Variants in CFAP45 observed in about 807,000 individuals in gnomAD.
CFAP45 encodes the protein cilia and flagella associated protein 45.
A neutral mutation model predicts 75.6 loss-of-function variants in CFAP45; 43 were observed. That is an observed-to-expected ratio of 0.57 (90% CI 0.45 to 0.73). The LOEUF is 0.73. CFAP45 is among the 30% of genes least tolerant of loss of function. The probability of loss-of-function intolerance (pLI) is 0.00; values close to 1 mark genes in which losing one functional copy is unlikely to be tolerated. For missense variants in CFAP45, 689 were observed against 701.5 expected (o/e 0.98, Z 0.20); for synonymous variants, 223 against 244.6 (o/e 0.91, Z 0.82).
chr1:159,891,597 T>C (rs1557915898), intron 2 of CFAP45, among the ~76,000 whole-genome samples: 1 of 152,132 alleles, frequency 6.6e-6, no homozygotes, highest in Non-Finnish European at 1.5e-5. Context: ...TTTCAGAAAA[T>C]GTCTAAACAC....
Position 159,890,470 on chromosome 1 carries a change from G to A in CFAP45, c.272+10C>T, listed in dbSNP as rs1250633344. On this transcript the variant is annotated intron_variant, in intron 3 of 11. Coordinates refer to ENST00000368099, the MANE Select transcript of CFAP45 (RefSeq NM_012337.3). ...ACTGGACATAGAAGGGCAGGGGACG[G>A]TGTACTCACATGAGTTCTCGGACCA... The A allele has an allele frequency of 6.2e-7, 1 of 1,613,820 alleles. No individual in the cohort carries two copies. The highest frequency in any genetic ancestry group is 8.5e-7 in the Non-Finnish European group (1 of 1,179,842).
At chr1:159,893,074 G>A (rs1171708347) in intron 2 of CFAP45, 106 bp downstream of exon 2, 5 of 1,305,934 alleles carry the variant, frequency 3.8e-6, no homozygotes, top group Admixed American at 1.8e-5. Context: ...CAGTCTGAGA[G>A]TTACCTACGA....
chr1:159,877,099 G>C, intron 9 of CFAP45, among the ~76,000 whole-genome samples: 1 of 152,200 alleles, frequency 6.6e-6, no homozygotes, highest in East Asian at 1.9e-4. Context: ...GGTTGGTTAA[G>C]GTTGAAAGTT....
intron 7 of CFAP45, among the ~76,000 whole-genome samples, 197 bp downstream of exon 7, chr1:159,884,239 C>T (rs1037202422): frequency 7.2e-6 from 1 of 138,848 alleles, no homozygotes; most frequent in Non-Finnish European, 1.6e-5. Flanking sequence ...AATATCTATC[C>T]AAATCACTGC....
At chr1:159,884,947 C>CCAAA (rs762261047) in intron 6 of CFAP45, among the ~76,000 whole-genome samples, 75 of 152,172 alleles carry the variant, frequency 4.9e-4, no homozygotes, top group Middle Eastern at 3.4e-3. Flanking sequence ...TAGTAAAAAG[C>CCAAA]CAAACAAACA....
At chr1:159,890,678 A>G in intron 2 of CFAP45, 56 bp from the exon 3 acceptor site, 1 of 1,562,820 alleles carries the variant, frequency 6.4e-7, no homozygotes, top group African/African-American at 1.4e-5. Flanking sequence ...CCTGCTGGTC[A>G]GTCCTAACTT....
Position 159,876,557 on chromosome 1 carries a change from G to A in CFAP45, c.1351C>T (p.Arg451Trp), listed in dbSNP as rs764409056. The A allele has an allele frequency of 6.8e-6, 11 of 1,610,424 alleles. No homozygotes were observed. The highest frequency in any genetic ancestry group is 1.7e-4 in the Middle Eastern group (1 of 6,058). ...CCAAGGTTCCCAGGCCCCTCCTACC[G>A]AAGAATCCTCTCGAACTCATCCCGG... is the stretch of plus-strand genomic sequence containing the variant. Reference protein sequence around the residue: ...RDRDEFERILRAQREQIEKER... With the variant: ...RDRDEFERILWAQREQIEKER... Residue 451 changes from arginine (R) to tryptophan (W), a missense_variant and splice_region_variant, in exon 10 of 12, where the codon CGG (arginine) becomes TGG (tryptophan). Coordinates refer to ENST00000368099, the MANE Select transcript of CFAP45 (RefSeq NM_012337.3).
At chr1:159,884,680 G>A in intron 6 of CFAP45, 115 bp from the exon 7 acceptor site, 1 of 1,065,596 alleles carries the variant, frequency 9.4e-7, no homozygotes, top group Non-Finnish European at 1.4e-6. Context: ...AATTTGACAA[G>A]TGCCCCCTAA....
chr1:159,883,505 G>A (rs1184545564), intron 7 of CFAP45, among the ~76,000 whole-genome samples: 1 of 152,098 alleles, frequency 6.6e-6, no homozygotes, highest in Non-Finnish European at 1.5e-5. Context: ...TGGAGGAGGT[G>A]ATAATGGTAT....
At chr1:159,875,951 T>C (rs1404013587) in intron 10 of CFAP45, among the ~76,000 whole-genome samples, 1 of 152,196 alleles carries the variant, frequency 6.6e-6, no homozygotes, top group Non-Finnish European at 1.5e-5. Flanking sequence ...GATAAATAGC[T>C]ACCAAGGAAG....
chr1:159,872,646 A>T, intron 11 of CFAP45, 83 bp from the exon 12 acceptor site: 1 of 1,255,232 alleles, frequency 8.0e-7, no homozygotes, highest in Non-Finnish European at 1.2e-6. Flanking sequence ...GGTGGGGTTT[A>T]CAGAACCTGG....
intron 2 of CFAP45, 98 bp downstream of exon 2, chr1:159,893,082 C>CGAG: frequency 7.2e-7 from 1 of 1,385,296 alleles, no homozygotes; most frequent in Admixed American, 1.8e-5. Context: ...GAGTTACCTA[C>CGAG]GAGAGCAAGG....
intron 4 of CFAP45, 50 bp from the exon 5 acceptor site, chr1:159,888,061 G>A (rs201284760): frequency 9.5e-6 from 15 of 1,579,756 alleles, no homozygotes; most frequent in African/African-American, 1.3e-5. Context: ...TGCGCTCTGT[G>A]CCCTGGGCGC....
In CFAP45 at chr1:159,887,995, C is replaced by T. The variant is rs140567807; in HGVS notation, c.434G>A (p.Arg145Gln). The T allele has an allele frequency of 7.4e-6, 12 of 1,614,022 alleles. No individual in the cohort carries two copies. The highest frequency in any genetic ancestry group is 2.2e-5 in the East Asian group (1 of 44,888). Reference sequence around the variant, plus strand: ...CTCCTTCTGTTTCATGATCTTCTTTCGTGTCATCACTGCATCCTAAGGGAG... The same window carrying T: ...CTCCTTCTGTTTCATGATCTTCTTTTGTGTCATCACTGCATCCTAAGGGAG... ...KEATMDAVMT[R>Q]KKIMKQKEMV... Residue 145 changes from arginine (R) to glutamine (Q), a missense_variant, in exon 5 of 12, where the codon CGA becomes CAA. Arg to Gln is a conservative substitution (Grantham distance 43). Coordinates refer to ENST00000368099, the MANE Select transcript of CFAP45 (RefSeq NM_012337.3).
intron 11 of CFAP45, 107 bp downstream of exon 11, chr1:159,872,837 A>T: frequency 9.1e-7 from 1 of 1,099,176 alleles, no homozygotes; most frequent in Non-Finnish European, 1.3e-6. Context: ...CTCCCTGAGC[A>T]TCTCTGCCAT....
chr1:159,873,827 CTCCTTCCTTCCT>C (rs72383149), intron 10 of CFAP45, among the ~76,000 whole-genome samples: 33 of 134,630 alleles, frequency 2.5e-4, no homozygotes, highest in African/African-American at 7.3e-4. Context: ...GAGATTTCTT[CTCCTTCCTTCCT>C]TCCTTCCTTC....
chr1:159,893,112 C>T (rs1320434125), intron 2 of CFAP45, 68 bp downstream of exon 2: 12 of 1,581,074 alleles, frequency 7.6e-6, no homozygotes, highest in Non-Finnish European at 1.0e-5. Flanking sequence ...AGAAGCTTTG[C>T]CCTGAGCTAC....
At chr1:159,900,055 C>G in intron 1 of CFAP45, 41 bp downstream of exon 1, 1 of 1,613,300 alleles carries the variant, frequency 6.2e-7, no homozygotes, top group Non-Finnish European at 8.5e-7. Flanking sequence ...AGCCCCCACC[C>G]AATTCAGGAC....
At chr1:159,878,467 C>G (rs1471224653) in intron 8 of CFAP45, among the ~76,000 whole-genome samples, 2 of 152,000 alleles carry the variant, frequency 1.3e-5, no homozygotes, top group Non-Finnish European at 2.9e-5. Context: ...TATAAAGAAT[C>G]TTCCCGGCCA....
Sources: allele counts gnomAD v4.1 joint callset (sites outside exome capture counted in the v4.1 genomes callset), GRCh38; gene constraint gnomAD v4.1.1; transcripts MANE v1.5; gene names NCBI Gene and HGNC (gene_info 2026-07-23, HGNC 2026-07-21).